The following ME1 variants were observed in gnomAD, a reference collection of about 807,000 sequenced individuals.
ME1 encodes malic enzyme 1, also known as NADP-dependent malic enzyme.
A neutral mutation model predicts 66.4 loss-of-function variants in ME1; 74 were observed. That is an observed-to-expected ratio of 1.11 (90% CI 0.92 to 1.35). ME1 has a LOEUF of 1.35. ME1 is among the 40% of genes most tolerant of loss of function. The pLI is 0.00. For synonymous variants in ME1, 251 were observed against 235.6 expected, an observed-to-expected ratio of 1.07 and a Z score of -0.60; for missense variants, 750 against 694.1, an observed-to-expected ratio of 1.08 and a Z score of -0.90.
chr6:83,350,779 C>T (rs1768785702), intron 4 of ME1, among the ~76,000 whole-genome samples: 1 of 152,136 alleles, frequency 6.6e-6, no homozygotes, highest in Non-Finnish European at 1.5e-5. Context: ...TGAGCCACCA[C>T]TTCTGGCCAA....
At chr6:83,372,427 ATCTC>A (rs1769207564) in intron 3 of ME1, among the ~76,000 whole-genome samples, 1 of 152,146 alleles carries the variant, frequency 6.6e-6, no homozygotes, top group Non-Finnish European at 1.5e-5. Context: ...TACCTTTCAT[ATCTC>A]TCTTTCCTAA....
intron 6 of ME1, among the ~76,000 whole-genome samples, chr6:83,295,143 A>C (rs1368484533): frequency 6.6e-6 from 1 of 152,226 alleles, no homozygotes; most frequent in African/African-American, 2.4e-5. Context: ...TCAAAACTTC[A>C]ACACCAAAAA....
At chr6:83,406,632 A>G (rs1769950004) in intron 2 of ME1, among the ~76,000 whole-genome samples, 1 of 152,162 alleles carries the variant, frequency 6.6e-6, no homozygotes. Flanking sequence ...CATTCAATCC[A>G]TAGCAAACAT....
rs907748493 is a variant in ME1 at position 83,413,610 on chromosome 6, T to C, written c.79-5709A>G. 2.6e-5 allele frequency among the ~76,000 whole-genome samples: 4 copies of C among 152,058 alleles called. No homozygotes were observed. In the East Asian group the frequency reaches 7.7e-4, roughly 29 times the overall value. On this transcript the variant is annotated intron_variant, in intron 1 of 13. Coordinates refer to ENST00000369705, the MANE Select transcript of ME1 (RefSeq NM_002395.6). ...TTATTATTTATTATTCTGAAAGAGA[T>C]AAAATTGAGCTTGTTTTAAGTGTCA...
At chr6:83,308,619 T>C (rs933155661) in intron 6 of ME1, among the ~76,000 whole-genome samples, 8 of 151,442 alleles carry the variant, frequency 5.3e-5, no homozygotes, top group Non-Finnish European at 8.8e-5. Flanking sequence ...TTTTAAGCTA[T>C]ATAAACAAAA....
intron 5 of ME1, among the ~76,000 whole-genome samples, chr6:83,316,474 G>A (rs1356376706): frequency 6.6e-6 from 1 of 152,044 alleles, no homozygotes; most frequent in Non-Finnish European, 1.5e-5. Flanking sequence ...AGCATATTTA[G>A]CAGTGAAAGA....
chr6:83,384,359 T>C (rs1769469809), intron 3 of ME1, among the ~76,000 whole-genome samples: 1 of 151,836 alleles, frequency 6.6e-6, no homozygotes, highest in Non-Finnish European at 1.5e-5. Flanking sequence ...TTAATAATAG[T>C]CATTGTGACT....
chr6:83,239,934 C>A (rs1263059326), intron 7 of ME1, among the ~76,000 whole-genome samples: 1 of 152,082 alleles, frequency 6.6e-6, no homozygotes, highest in Non-Finnish European at 1.5e-5. Context: ...TCTAGCTCAA[C>A]AACCCACTGA....
chr6:83,322,685 G>A (rs1478573668), intron 5 of ME1, among the ~76,000 whole-genome samples: 1 of 152,196 alleles, frequency 6.6e-6, no homozygotes, highest in African/African-American at 2.4e-5. Flanking sequence ...TTTGGTTGGT[G>A]TACCTGAAAG....
At chr6:83,265,103 G>C (rs1177955329) in intron 6 of ME1, among the ~76,000 whole-genome samples, 1 of 152,128 alleles carries the variant, frequency 6.6e-6, no homozygotes, top group Non-Finnish European at 1.5e-5. Context: ...ATTGTAATCA[G>C]TCAGCAGCTA....
chr6:83,253,809 G>A lies in ME1; in HGVS notation c.705-71C>T, dbSNP rs115617844. The A allele has an allele frequency of 2.0e-3, 1,561 of 765,412 alleles. 14 individuals carry two copies. The African/African-American group carries it at 0.024, about 12-fold the overall frequency. The allele number at this position is 765,412 out of a possible 1,614,324, so 47.4% of individuals were successfully genotyped here. On this transcript the variant is annotated intron_variant, in intron 6 of 13. Transcript: ENST00000369705. ...ATTTAAAAATAAACTTTTAAAATTA[G>A]CCCATAGAAATAGGAAAACATTATT...
chr6:83,416,299 T>C (rs1379431107), intron 1 of ME1, among the ~76,000 whole-genome samples: 1 of 152,210 alleles, frequency 6.6e-6, no homozygotes, highest in Non-Finnish European at 1.5e-5. Context: ...AGTTTTAAAA[T>C]AAAGTCACTA....
chr6:83,328,315 AG>A (rs1375587117), intron 5 of ME1, among the ~76,000 whole-genome samples: 1 of 152,028 alleles, frequency 6.6e-6, no homozygotes, highest in Non-Finnish European at 1.5e-5. Context: ...GGGGCATGTC[AG>A]GGGGTGGAAG....
At chr6:83,281,806 CAAAAAAAAAA>C (rs140157932) in intron 6 of ME1, among the ~76,000 whole-genome samples, 37 of 13,274 alleles carry the variant, frequency 2.8e-3, no homozygotes, top group African/African-American at 0.012. Context: ...ACTCTGTCTC[CAAAAAAAAAA>C]AAAAAAAAAA....
At chr6:83,390,336 C>A (rs977039264) in intron 3 of ME1, among the ~76,000 whole-genome samples, 3 of 152,136 alleles carry the variant, frequency 2.0e-5, no homozygotes, top group African/African-American at 7.2e-5. Context: ...GGGTATAATT[C>A]TCCTCTTCAC....
chr6:83,235,539 C>T (rs1032302090), intron 9 of ME1, among the ~76,000 whole-genome samples: 3 of 145,402 alleles, frequency 2.1e-5, no homozygotes, highest in African/African-American at 7.7e-5. Flanking sequence ...GGCGCGATCT[C>T]GGCTCACTGC....
chr6:83,299,376 G>A (rs1242932278), intron 6 of ME1, among the ~76,000 whole-genome samples: 2 of 152,160 alleles, frequency 1.3e-5, no homozygotes, highest in Admixed American at 6.5e-5. Context: ...AGTTGCAAAT[G>A]GGAGTTCATT....
At chr6:83,325,266 T>C (rs1024913185) in intron 5 of ME1, among the ~76,000 whole-genome samples, 1 of 152,194 alleles carries the variant, frequency 6.6e-6, no homozygotes, top group African/African-American at 2.4e-5. Context: ...TCATACTGAA[T>C]GGACAAAAGC....
chr6:83,371,382 TTCAA>T (rs908069917), intron 3 of ME1, among the ~76,000 whole-genome samples: 2 of 152,308 alleles, frequency 1.3e-5, no homozygotes, highest in African/African-American at 4.8e-5. Context: ...GATCAAACTA[TTCAA>T]TCAATCAGTC....
Sources: gnomAD v4.1 joint callset for allele counts (sites outside exome capture counted in the v4.1 genomes callset) on GRCh38, gnomAD v4.1.1 for gene constraint, MANE v1.5 for transcripts, NCBI Gene and HGNC (gene_info 2026-07-23, HGNC 2026-07-21) for gene names.